Variants in ZFHX3 observed in about 807,000 individuals in gnomAD.
ZFHX3 encodes the protein zinc finger homeobox 3.
In ZFHX3, 42 loss-of-function variants were observed where a neutral mutation model predicts 279.1. That is an observed-to-expected ratio of 0.15 (90% CI 0.12 to 0.19). The LOEUF (loss-of-function observed/expected upper bound fraction) is 0.19, where lower values mean the gene tolerates loss of function less well. ZFHX3 is among the 10% of genes least tolerant of loss of function. The pLI, the probability that ZFHX3 is intolerant of heterozygous loss-of-function variation, is 1.00. For synonymous variants in ZFHX3, 2,293 were observed against 1,957.8 expected (o/e 1.17, Z -4.52); for missense variants, 4,981 against 4,754.0 (o/e 1.05, Z -1.40).
intron 2 of ZFHX3, among the ~76,000 whole-genome samples, chr16:73,578,512 G>A (rs35140097): frequency 0.51 from 77,138 of 151,970 alleles, 21,245 homozygotes; most frequent in East Asian, 0.81. Context: ...TTATGATTCT[G>A]AAAGAGGAGA....
At chr16:72,837,230 AC>A (rs1401363387) in intron 4 of ZFHX3, among the ~76,000 whole-genome samples, 3 of 152,034 alleles carry the variant, frequency 2.0e-5, no homozygotes, top group Admixed American at 6.6e-5. Context: ...ACCTCTCTCC[AC>A]CTGCTGGACT....
chr16:73,521,901 C>T (rs1316424802), intron 2 of ZFHX3, among the ~76,000 whole-genome samples: 1 of 152,030 alleles, frequency 6.6e-6, no homozygotes, highest in East Asian at 1.9e-4. Context: ...AGAATTCTGA[C>T]TCTGCTGAGG....
At chr16:73,546,356 G>C (rs867109312) in intron 2 of ZFHX3, among the ~76,000 whole-genome samples, 1 of 152,114 alleles carries the variant, frequency 6.6e-6, no homozygotes, top group Non-Finnish European at 1.5e-5. Flanking sequence ...CTGTAGGACC[G>C]GGTATGAGAA....
At chr16:73,541,527 T>C (rs1567514097) in intron 2 of ZFHX3, among the ~76,000 whole-genome samples, 1 of 151,976 alleles carries the variant, frequency 6.6e-6, no homozygotes, top group African/African-American at 2.4e-5. Context: ...GAAAAAGCCA[T>C]ACTATCAAAC....
intron 4 of ZFHX3, among the ~76,000 whole-genome samples, chr16:72,837,799 G>A (rs149489726): frequency 5.9e-5 from 9 of 151,428 alleles, no homozygotes; most frequent in South Asian, 4.2e-4. Context: ...TAGGGGTCTC[G>A]CTGTGTTGCC....
chr16:73,859,654 A>T (rs1597147338), intron 1 of ZFHX3, among the ~76,000 whole-genome samples: 1 of 152,244 alleles, frequency 6.6e-6, no homozygotes, highest in African/African-American at 2.4e-5. Flanking sequence ...GGCAATAACA[A>T]AAAAGCAAAA....
intron 5 of ZFHX3, among the ~76,000 whole-genome samples, chr16:73,251,899 G>GCA (rs111248287): frequency 1.8e-4 from 12 of 66,460 alleles, no homozygotes; most frequent in African/African-American, 6.9e-4. Flanking sequence ...CACACACCAT[G>GCA]CACACACACA....
chr16:73,283,591 G>A (rs1363553326), intron 4 of ZFHX3, among the ~76,000 whole-genome samples: 2 of 152,184 alleles, frequency 1.3e-5, no homozygotes, highest in African/African-American at 4.8e-5. Flanking sequence ...AATGGAGTAA[G>A]AGGTCACAGG....
At chr16:73,108,388 GA>G (rs1966330877) in intron 7 of ZFHX3, among the ~76,000 whole-genome samples, 2 of 151,886 alleles carry the variant, frequency 1.3e-5, no homozygotes. Flanking sequence ...GGAAGACGAT[GA>G]AGAGGAGAAG....
intron 1 of ZFHX3, among the ~76,000 whole-genome samples, chr16:73,732,576 G>C (rs2053577864): frequency 6.6e-6 from 1 of 152,200 alleles, no homozygotes; most frequent in African/African-American, 2.4e-5. Context: ...ATCCAGAATG[G>C]ATCTAATAGA....
At chr16:73,790,453 G>A (rs1169059680) in intron 1 of ZFHX3, among the ~76,000 whole-genome samples, 1 of 152,114 alleles carries the variant, frequency 6.6e-6, no homozygotes, top group Non-Finnish European at 1.5e-5. Flanking sequence ...AATGTGAAAA[G>A]GTGGATGCTT....
chr16:73,529,599 C>T (rs531299747), intron 2 of ZFHX3, among the ~76,000 whole-genome samples: 18 of 152,286 alleles, frequency 1.2e-4, no homozygotes, highest in South Asian at 4.1e-4. Context: ...CTGGCCAGTG[C>T]CCCTTGTCCA....
intron 1 of ZFHX3, among the ~76,000 whole-genome samples, chr16:73,045,432 T>C (rs1303497472): frequency 2.6e-5 from 4 of 152,108 alleles, no homozygotes; most frequent in Non-Finnish European, 5.9e-5. Context: ...TGGCACTGAG[T>C]TGACACAGCA....
chr16:73,161,228 C>T (rs1597193202), intron 5 of ZFHX3, among the ~76,000 whole-genome samples: 1 of 152,114 alleles, frequency 6.6e-6, no homozygotes, highest in African/African-American at 2.4e-5. Flanking sequence ...CCTGTCTCAG[C>T]CTCCCAAACT....
intron 2 of ZFHX3, among the ~76,000 whole-genome samples, chr16:73,607,362 T>C (rs908218701): frequency 6.6e-6 from 1 of 152,240 alleles, no homozygotes; most frequent in African/African-American, 2.4e-5. Context: ...TAGTATTCCA[T>C]GCTGTATATG....
At chr16:73,483,275 C>A (rs1282426468) in intron 2 of ZFHX3, 3 of 420,496 alleles carry the variant, frequency 7.1e-6, no homozygotes, top group Non-Finnish European at 9.3e-6. Flanking sequence ...AATGCGTACG[C>A]ATAGACACGT....
At chr16:72,888,244 C>T (rs1463592369) in intron 4 of ZFHX3, among the ~76,000 whole-genome samples, 26 of 152,174 alleles carry the variant, frequency 1.7e-4, no homozygotes, top group Admixed American at 6.5e-5. Flanking sequence ...GTTAAAACTG[C>T]ACACATCCAT....
chr16:72,818,458 T>G (rs1237240803), intron 5 of ZFHX3, among the ~76,000 whole-genome samples: 1 of 152,200 alleles, frequency 6.6e-6, no homozygotes, highest in African/African-American at 2.4e-5. Flanking sequence ...CTAGCTAAAT[T>G]TTCTTCCTCC....
intron 2 of ZFHX3, among the ~76,000 whole-genome samples, chr16:73,458,050 C>T (rs566723149): frequency 2.1e-4 from 32 of 152,296 alleles, no homozygotes; most frequent in African/African-American, 7.2e-4. Context: ...TGCACCATCC[C>T]GCAATAGACA....
Sources: gnomAD v4.1 joint callset for allele counts (sites outside exome capture counted in the v4.1 genomes callset) on GRCh38, gnomAD v4.1.1 for gene constraint, MANE v1.5 for transcripts, NCBI Gene and HGNC (gene_info 2026-07-23, HGNC 2026-07-21) for gene names.